Variants in CFTR observed in about 807,000 individuals in gnomAD.
The protein encoded by CFTR is CF transmembrane conductance regulator.
In CFTR, 181 loss-of-function variants were observed where a neutral mutation model predicts 171.6. The ratio of observed to expected loss-of-function variants is 1.05; its 90% CI spans 0.93 to 1.19. The LOEUF is 1.19. CFTR is among the 50% of genes most tolerant of loss of function. CFTR has a pLI of 0.00. For synonymous variants in CFTR, 583 were observed against 608.0 expected (o/e 0.96, Z 0.60); for missense variants, 1,968 against 1,734.7 (o/e 1.13, Z -2.39).
chr7:117,567,715 C>T (rs1791624959), intron 11 of CFTR, among the ~76,000 whole-genome samples: 1 of 152,084 alleles, frequency 6.6e-6, no homozygotes, highest in African/African-American at 2.4e-5. Context: ...TCGGTAAATA[C>T]TTATGAGTGC....
chr7:117,531,159 C>T (rs751674090), intron 4 of CFTR, 45 bp downstream of exon 4: 6 of 1,438,696 alleles, frequency 4.2e-6, no homozygotes, highest in African/African-American at 2.8e-5. Flanking sequence ...TATTCTGTAT[C>T]GTACATGTTT....
intron 9 of CFTR, among the ~76,000 whole-genome samples, chr7:117,547,390 G>C (rs946480770): frequency 6.6e-6 from 1 of 151,980 alleles, no homozygotes; most frequent in African/African-American, 2.4e-5. Flanking sequence ...TTATGGAAAA[G>C]AAATTAATTT....
intron 24 of CFTR, among the ~76,000 whole-genome samples, chr7:117,653,813 A>G (rs889362323): frequency 4.6e-5 from 7 of 152,312 alleles, no homozygotes; most frequent in African/African-American, 1.7e-4. Context: ...CAAACAGCTA[A>G]ATCAGGTAGA....
intron 2 of CFTR, 85 bp from the exon 3 acceptor site, chr7:117,508,949 G>A: frequency 1.1e-6 from 1 of 873,288 alleles, no homozygotes; most frequent in Non-Finnish European, 1.9e-6. Context: ...ATATACTTGT[G>A]TGAATCAAAC....
rs936767068 is a variant in CFTR at position 117,487,705 on chromosome 7, T to A, written c.53+7558T>A. On this transcript the variant is annotated intron_variant, in intron 1 of 26. Transcript: ENST00000003084. Reference sequence around the variant, plus strand: ...CATGGACTACAGAGGTGCAACTACCTCCTACCTGACTTCACATCTACTCCC... The same window carrying A: ...CATGGACTACAGAGGTGCAACTACCACCTACCTGACTTCACATCTACTCCC... The A allele has an allele frequency of 2.0e-5, 3 of 152,122 alleles. No individual in the cohort carries two copies. In the East Asian group the frequency reaches 5.8e-4, roughly 29 times the overall value. The allele number at this position is 152,122 out of a possible 1,614,324, so 9.4% of individuals were successfully genotyped here.
At chr7:117,542,509 T>C (rs1229503543) in intron 9 of CFTR, among the ~76,000 whole-genome samples, 1 of 151,244 alleles carries the variant, frequency 6.6e-6, no homozygotes, top group Non-Finnish European at 1.5e-5. Context: ...ATCACGCCAC[T>C]GCACTCCAGC....
chr7:117,593,709 C>T (rs562251440), intron 14 of CFTR, among the ~76,000 whole-genome samples: 199 of 152,228 alleles, frequency 1.3e-3, no homozygotes, highest in African/African-American at 4.7e-3. Flanking sequence ...TAATCTCCTG[C>T]CTCAGCCTCC....
intron 20 of CFTR, 144 bp downstream of exon 20, chr7:117,611,952 A>G (rs529760796): frequency 3.6e-6 from 2 of 553,890 alleles, no homozygotes; most frequent in Non-Finnish European, 6.3e-6. Flanking sequence ...TGAACAAGTG[A>G]TTTCTTTGAA....
At chr7:117,549,362 A>G (rs772182891) in intron 10 of CFTR, among the ~76,000 whole-genome samples, 4 of 152,170 alleles carry the variant, frequency 2.6e-5, no homozygotes, top group Non-Finnish European at 4.4e-5. Flanking sequence ...CCTCTTCTCC[A>G]TATCCCACCC....
intron 12 of CFTR, 136 bp from the exon 13 acceptor site, chr7:117,590,217 A>G (rs1240575014): frequency 4.1e-6 from 4 of 986,908 alleles, no homozygotes; most frequent in African/African-American, 3.2e-5. Context: ...ACCACTTTTG[A>G]GAATAGTGTT....
chr7:117,483,179 A>G (rs1227585977), intron 1 of CFTR, among the ~76,000 whole-genome samples: 1 of 152,240 alleles, frequency 6.6e-6, no homozygotes, highest in East Asian at 1.9e-4. Flanking sequence ...CAGAATAGGT[A>G]TGGTGGTTCA....
At chr7:117,586,242 GAAAT>G (rs1791932285) in intron 11 of CFTR, 1 of 152,132 alleles carries the variant, frequency 6.6e-6, no homozygotes, top group Admixed American at 6.6e-5. Context: ...CAGGTAGAAA[GAAAT>G]AAAGACCTAT....
intron 11 of CFTR, among the ~76,000 whole-genome samples, chr7:117,575,268 C>T (rs966897273): frequency 2.6e-5 from 4 of 152,070 alleles, no homozygotes; most frequent in South Asian, 2.1e-4. Context: ...TATAAACAGA[C>T]ATATTAATTC....
chr7:117,568,099 G>A (rs990571949), intron 11 of CFTR, among the ~76,000 whole-genome samples: 2 of 152,184 alleles, frequency 1.3e-5, no homozygotes, highest in Admixed American at 6.5e-5. Context: ...TGGCTGGGAT[G>A]TAGAATGAAA....
Position 117,612,086 on chromosome 7 carries a change from C to T in CFTR, c.3367+278C>T, listed in dbSNP as rs1396156340. ...ATATATAGTATTATCCCTGTTTTCA[C>T]AGTTTTAAAAACCGATGCACACAGA... is the stretch of plus-strand genomic sequence containing the variant. On this transcript the variant is annotated intron_variant, in intron 20 of 26. Transcript: ENST00000003084. Among the ~76,000 whole-genome samples the T allele has an allele frequency of 6.7e-4, 74 of 109,672 alleles. 1 individual carries two copies. Among genetic ancestry groups the T allele is most frequent in the Non-Finnish European group, 1.2e-3 (63 of 51,856 alleles). 71.9% of individuals were successfully genotyped at this position (109,672 alleles called of 152,430 possible). A position where few individuals can be genotyped will look rare whatever the true frequency, so the allele number is the denominator to read the frequency against.
At chr7:117,665,396 C>G in intron 25 of CFTR, 63 bp from the exon 26 acceptor site, 1 of 930,906 alleles carries the variant, frequency 1.1e-6, no homozygotes, top group Non-Finnish European at 1.8e-6. Context: ...GACATATTAT[C>G]AAGGTAAATA....
At chr7:117,570,205 A>C (rs1791668300) in intron 11 of CFTR, among the ~76,000 whole-genome samples, 1 of 151,786 alleles carries the variant, frequency 6.6e-6, no homozygotes, top group African/African-American at 2.4e-5. Flanking sequence ...AAAAAAAAAA[A>C]AACAAACAAA....
At chr7:117,484,207 A>G (rs1049052176) in intron 1 of CFTR, among the ~76,000 whole-genome samples, 2 of 152,218 alleles carry the variant, frequency 1.3e-5, no homozygotes, top group Non-Finnish European at 2.9e-5. Context: ...CAATACATAC[A>G]CATTATCTCA....
chr7:117,509,610 A>T (rs1798483381), intron 3 of CFTR, among the ~76,000 whole-genome samples: 1 of 152,188 alleles, frequency 6.6e-6, no homozygotes, highest in South Asian at 2.1e-4. Flanking sequence ...AAAGTATAGC[A>T]GCTTTAAATA....
Sources: allele counts gnomAD v4.1 joint callset (sites outside exome capture counted in the v4.1 genomes callset), GRCh38; gene constraint gnomAD v4.1.1; transcripts MANE v1.5; gene names NCBI Gene and HGNC (gene_info 2026-07-23, HGNC 2026-07-21).